Variants in KCNQ1 observed in about 807,000 individuals in gnomAD.
KCNQ1 encodes the protein potassium voltage-gated channel subfamily KQT member 1.
KCNQ1 carries 49 observed loss-of-function variants against 72.4 expected under a neutral mutation model. The observed-to-expected ratio is 0.68, with a 90% CI of 0.54 to 0.86. KCNQ1 has a LOEUF of 0.86. KCNQ1 is among the 40% of genes least tolerant of loss of function. The probability of loss-of-function intolerance (pLI) is 0.00; values close to 1 mark genes in which losing one functional copy is unlikely to be tolerated. For missense variants in KCNQ1, 790 were observed against 945.1 expected, an observed-to-expected ratio of 0.84 and a Z score of 2.15; for synonymous variants, 450 against 412.6, an observed-to-expected ratio of 1.09 and a Z score of -1.10.
At chr11:2,519,524 T>C (rs1217595049) in intron 1 of KCNQ1, among the ~76,000 whole-genome samples, 1 of 151,956 alleles carries the variant, frequency 6.6e-6, no homozygotes, top group East Asian at 1.9e-4. Context: ...GGAGACTGAG[T>C]TGGGAGGATC....
chr11:2,575,145 G>A (rs569201359), intron 6 of KCNQ1, among the ~76,000 whole-genome samples: 87 of 152,300 alleles, frequency 5.7e-4, no homozygotes, highest in African/African-American at 2.0e-3. Context: ...GGAGCTGTGG[G>A]CAGCGGACGC....
rs1847373958 is a variant in KCNQ1 at position 2,521,039 on chromosome 11, T to TTGCTTTA, written c.387-6889_387-6888insTGCTTTA. 3.3e-5 allele frequency among the ~76,000 whole-genome samples: 5 copies of TTGCTTTA among 152,252 alleles called. No homozygotes were observed. The South Asian group carries it at 6.2e-4, about 19-fold the overall frequency. ...CTTGCTCTATGAATGTTGTTTGCTT[T>TTGCTTTA]AAAAAAAGTTTTTTTTTTATTGTGA... is the stretch of plus-strand genomic sequence containing the variant. On this transcript the variant is annotated intron_variant, in intron 1 of 15. Transcript: ENST00000155840.
In KCNQ1 at chr11:2,569,396, T is replaced by C. The variant is rs150184005; in HGVS notation, c.478-1232T>C. Among the ~76,000 whole-genome samples, 288 of 152,350 alleles carry C rather than the reference T, an allele frequency of 1.9e-3. 4 individuals carry two copies. The highest frequency in any genetic ancestry group is 0.012 in the Admixed American group (188 of 15,302). On this transcript the variant is annotated intron_variant, in intron 2 of 15. Coordinates refer to ENST00000155840, the MANE Select transcript of KCNQ1 (RefSeq NM_000218.3). ...ATCATTCCATCCTAATTAATAACAT[T>C]TGGGAGCCAGCGATGGCAGTGTCCA...
rs556482582 is a variant in KCNQ1, at chr11:2,749,000, G to T, written c.1515-19844G>T. Among the ~76,000 whole-genome samples the T allele has an allele frequency of 1.3e-5, 2 of 152,348 alleles. No homozygotes were observed. The highest frequency in any genetic ancestry group is 4.1e-4 in the South Asian group (2 of 4,828). ...TGGCGGGAGGGGCGAGGCCTCTGGAGCAAGGAAAGAGAGTGGTGGCTGTGT... is the reference window on the plus strand; with the variant it reads ...TGGCGGGAGGGGCGAGGCCTCTGGATCAAGGAAAGAGAGTGGTGGCTGTGT... On this transcript the variant is annotated intron_variant, in intron 11 of 15. Coordinates refer to ENST00000155840, the MANE Select transcript of KCNQ1 (RefSeq NM_000218.3). The surrounding 1 kb of genome is among the most constrained non-coding windows in gnomAD (Gnocchi z 6.2).
chr11:2,616,045 G>A (rs1170229957), intron 10 of KCNQ1: 1 of 397,830 alleles, frequency 2.5e-6, no homozygotes, highest in Non-Finnish European at 4.4e-6. Flanking sequence ...CTTGTTATGG[G>A]TCTGCTCATA....
Position 2,612,731 on chromosome 11 carries a change from C to T in KCNQ1, c.1393+23877C>T, listed in dbSNP as rs145545204. On this transcript the variant is annotated intron_variant, in intron 10 of 15. Transcript: ENST00000155840. The surrounding 1 kb of genome is among the most constrained non-coding windows in gnomAD (Gnocchi z 5.5). ...AAATCGCGCCCTAACATTTGGGGCCCTTCAGAGATAATTCCTATTTATTGC... is the reference window on the plus strand; with the variant it reads ...AAATCGCGCCCTAACATTTGGGGCCTTTCAGAGATAATTCCTATTTATTGC... The T allele has an allele frequency of 1.5e-3, 600 of 398,482 alleles. 3 individuals carry two copies. The highest frequency in any genetic ancestry group is 0.011 in the African/African-American group (538 of 48,704). The allele number at this position is 398,482 out of a possible 1,614,324, so 24.7% of individuals were successfully genotyped here. A position where few individuals can be genotyped will look rare whatever the true frequency, so the allele number is the denominator to read the frequency against.
intron 11 of KCNQ1, chr11:2,686,751 A>C (rs539228340): frequency 2.5e-6 from 1 of 398,642 alleles, no homozygotes; most frequent in African/African-American, 2.1e-5. Context: ...AGTAGCTTTC[A>C]ATTGTAAATG....
intron 15 of KCNQ1, among the ~76,000 whole-genome samples, chr11:2,829,279 C>G (rs1424585326): frequency 2.6e-5 from 4 of 151,944 alleles, no homozygotes; most frequent in African/African-American, 9.7e-5. Flanking sequence ...ACAGTGCAAA[C>G]AGTCCTGCTA....
chr11:2,571,931 C>T (rs1172228610), intron 4 of KCNQ1, 82 bp from the exon 5 acceptor site: 3 of 1,175,884 alleles, frequency 2.6e-6, no homozygotes, highest in Admixed American at 3.9e-5. Flanking sequence ...CAGGGACACC[C>T]ATGCCATCGG....
chr11:2,778,129 T>G, intron 15 of KCNQ1, 92 bp downstream of exon 15: 1 of 1,266,856 alleles, frequency 7.9e-7, no homozygotes, highest in Non-Finnish European at 1.1e-6. Flanking sequence ...GTGAAGCTCC[T>G]GCAGGCCTCC....
intron 11 of KCNQ1, chr11:2,680,896 T>G: frequency 2.5e-6 from 1 of 398,606 alleles, no homozygotes; most frequent in Admixed American, 4.4e-5. Context: ...TGTGTATCCT[T>G]GCATTTTGGT....
At position 2,729,654 on chromosome 11, in the gene KCNQ1, T is replaced by C. The variant is rs559357262; in HGVS notation, c.1515-39190T>C. On this transcript the variant is annotated intron_variant, in intron 11 of 15. Transcript: ENST00000155840. Reference sequence around the variant, plus strand: ...ACAATAGAGTGGGTCACGCAGCATTTGTGTTGTTAGGTATCGTAAGTGGTC... The same window carrying C: ...ACAATAGAGTGGGTCACGCAGCATTCGTGTTGTTAGGTATCGTAAGTGGTC... Among the ~76,000 whole-genome samples the C allele has an allele frequency of 5.2e-4, 79 of 152,300 alleles. 2 individuals are homozygous for C. The highest frequency in any genetic ancestry group is 1.8e-3 in the African/African-American group (75 of 41,562).
chr11:2,723,162 C>T lies in KCNQ1; in HGVS notation c.1515-45682C>T, dbSNP rs1451883398. On this transcript the variant is annotated intron_variant, in intron 11 of 15. Transcript: ENST00000155840. The surrounding 1 kb of genome is among the most constrained non-coding windows in gnomAD (Gnocchi z 4.2). ...CCTTCCTCTTGGCTCCGCCTTCCTC[C>T]GTGGTGGCCTGAGAGGGGTGTGGTG... Among the ~76,000 whole-genome samples the T allele has an allele frequency of 6.6e-6, 1 of 152,210 alleles. No individual in the cohort carries two copies. The highest frequency in any genetic ancestry group is 2.4e-5 in the African/African-American group (1 of 41,462).
intron 15 of KCNQ1, among the ~76,000 whole-genome samples, chr11:2,847,448 C>T (rs974540018): frequency 6.6e-6 from 1 of 152,222 alleles, no homozygotes; most frequent in Non-Finnish European, 1.5e-5. Context: ...CACAGAAGGC[C>T]GGCCAGCCTG....
At chr11:2,610,004 C>A (rs1589979974) in intron 10 of KCNQ1, 2 of 397,930 alleles carry the variant, frequency 5.0e-6, no homozygotes, top group African/African-American at 4.1e-5. Context: ...AATCCATTCA[C>A]ATTTAATATT....
intron 2 of KCNQ1, among the ~76,000 whole-genome samples, chr11:2,551,332 A>G (rs1220607234): frequency 2.0e-5 from 3 of 152,220 alleles, no homozygotes; most frequent in Non-Finnish European, 4.4e-5. Context: ...TGCCTTTTCC[A>G]GAACGTCATG....
In KCNQ1 at chr11:2,730,096, C is replaced by T. The variant is rs192538946; in HGVS notation, c.1515-38748C>T. On this transcript the variant is annotated intron_variant, in intron 11 of 15. Coordinates refer to ENST00000155840, the MANE Select transcript of KCNQ1 (RefSeq NM_000218.3). ...CTGGCCCCGAGTGCGGTGTGGTTGGCGCAGATGGCAACAGGGTCACTCTGG... is the reference window on the plus strand; with the variant it reads ...CTGGCCCCGAGTGCGGTGTGGTTGGTGCAGATGGCAACAGGGTCACTCTGG... Among the ~76,000 whole-genome samples, 156 of 152,048 alleles carry T rather than the reference C, an allele frequency of 1.0e-3. 1 individual carries two copies. The highest frequency in any genetic ancestry group is 3.7e-3 in the African/African-American group (152 of 41,456).
chr11:2,451,341 C>T lies in KCNQ1; in HGVS notation c.386+5857C>T, dbSNP rs956980175. Among the ~76,000 whole-genome samples the T allele has an allele frequency of 5.9e-5, 9 of 152,192 alleles. No homozygotes were observed. Among genetic ancestry groups the T allele is most frequent in the Admixed American group, 1.3e-4 (2 of 15,274 alleles). On this transcript the variant is annotated intron_variant, in intron 1 of 15. Transcript: ENST00000155840. The surrounding 1 kb of genome is among the most constrained non-coding windows in gnomAD (Gnocchi z 6.4). ...TGCTCCTGTGAGAATCTAATGCCAC[C>T]GCTGATCCAACAGGAGGTAGAGCTC... is the stretch of plus-strand genomic sequence containing the variant.
At chr11:2,747,043 G>T (rs1236458317) in intron 11 of KCNQ1, among the ~76,000 whole-genome samples, 1 of 152,222 alleles carries the variant, frequency 6.6e-6, no homozygotes, top group Non-Finnish European at 1.5e-5. Context: ...TCAAAGACGG[G>T]TGCTGTCCCT....
Sources: allele counts gnomAD v4.1 joint callset (sites outside exome capture counted in the v4.1 genomes callset), GRCh38; gene constraint gnomAD v4.1.1; non-coding constraint Gnocchi (gnomAD v3.1); transcripts MANE v1.5; gene names NCBI Gene and HGNC (gene_info 2026-07-23, HGNC 2026-07-21).